TBPL2: variants seen among roughly 807,000 people sequenced by gnomAD.
TBPL2 encodes TATA box-binding protein-like 2.
A neutral mutation model predicts 38.2 loss-of-function variants in TBPL2; 40 were observed. The ratio of observed to expected loss-of-function variants is 1.05; its 90% CI spans 0.81 to 1.36. The LOEUF is 1.36. TBPL2 is among the 40% of genes most tolerant of loss of function. TBPL2 has a pLI of 0.00. For synonymous variants in TBPL2, 169 were observed against 171.7 expected (o/e 0.98, Z 0.12); for missense variants, 461 against 456.7 (o/e 1.01, Z -0.09).
intron 6 of TBPL2, among the ~76,000 whole-genome samples, chr14:55,416,805 C>T (rs1594788616): frequency 6.6e-6 from 1 of 152,178 alleles, no homozygotes; most frequent in Admixed American, 6.5e-5. Flanking sequence ...CACACACATG[C>T]CCCTCTCCCA....
intron 1 of TBPL2, among the ~76,000 whole-genome samples, chr14:55,438,591 A>G (rs970108529): frequency 3.3e-5 from 5 of 152,148 alleles, no homozygotes; most frequent in African/African-American, 9.7e-5. Context: ...ATGGCATTTT[A>G]TCAGGGAACA....
chr14:55,426,631 G>A (rs538180528), intron 5 of TBPL2, among the ~76,000 whole-genome samples: 8 of 151,870 alleles, frequency 5.3e-5, no homozygotes, highest in South Asian at 2.1e-4. Context: ...GCTGACAGCC[G>A]AATGGAGAGG....
rs144221092 is a variant in TBPL2 at position 55,434,905 on chromosome 14, T to C, written c.696+942A>G. ...CCTAAGCCAGTGAACTTTTTCCCAG[T>C]AGGAAGCAGGTCTTACTCATCTTTG... On this transcript the variant is annotated intron_variant, in intron 3 of 6. Transcript: ENST00000247219. Among the ~76,000 whole-genome samples the C allele has an allele frequency of 3.3e-5, 5 of 151,968 alleles. No homozygotes were observed. The East Asian group carries it at 5.9e-4, about 18-fold the overall frequency.
chr14:55,436,518 T>C (rs1388567399), intron 2 of TBPL2, 43 bp downstream of exon 2: 15 of 1,521,070 alleles, frequency 9.9e-6, no homozygotes, highest in Non-Finnish European at 1.4e-5. Context: ...GAATATAAAA[T>C]GTGTACCCAA....
intron 6 of TBPL2, among the ~76,000 whole-genome samples, chr14:55,417,297 G>A (rs995039482): frequency 5.9e-5 from 9 of 151,996 alleles, no homozygotes; most frequent in African/African-American, 2.2e-4. Flanking sequence ...GTTAAAATGA[G>A]GGGATTTGGT....
intron 5 of TBPL2, among the ~76,000 whole-genome samples, chr14:55,428,119 C>CTTTTTTCTTTTTTTTTT (rs1885859429): frequency 2.3e-5 from 1 of 43,332 alleles, no homozygotes. Context: ...CATGCCTTAT[C>CTTTTTTCTTTTTTTTTT]TTTTTTTTTT....
At chr14:55,426,119 T>A (rs760702663) in intron 5 of TBPL2, among the ~76,000 whole-genome samples, 7 of 151,682 alleles carry the variant, frequency 4.6e-5, no homozygotes, top group Non-Finnish European at 1.0e-4. Context: ...ATACAAAAAT[T>A]AGCCGGGTGT....
chr14:55,437,403 G>A (rs1886034313), intron 1 of TBPL2, among the ~76,000 whole-genome samples: 1 of 152,208 alleles, frequency 6.6e-6, no homozygotes, highest in South Asian at 2.1e-4. Flanking sequence ...TCTTGAACCT[G>A]GGAGGCAGAG....
intron 4 of TBPL2, among the ~76,000 whole-genome samples, chr14:55,431,812 G>C (rs947535832): frequency 1.3e-5 from 2 of 152,140 alleles, no homozygotes; most frequent in Non-Finnish European, 2.9e-5. Flanking sequence ...TATAAATTCA[G>C]TCCCTCAGTT....
At chr14:55,439,187 C>T (rs7146472) in intron 1 of TBPL2, among the ~76,000 whole-genome samples, 78,272 of 150,558 alleles carry the variant, frequency 0.52, 20,517 homozygotes, top group East Asian at 0.64. Context: ...GAGCCACGTG[C>T]CTCGGCCTCC....
chr14:55,415,423 A>G (rs1885653449), intron 6 of TBPL2, among the ~76,000 whole-genome samples: 1 of 152,228 alleles, frequency 6.6e-6, no homozygotes, highest in Non-Finnish European at 1.5e-5. Context: ...AAGAATTACT[A>G]CATGACCCAA....
At chr14:55,414,359 T>TGA in exon 7 of TBPL2, 1 of 1,559,632 alleles carries the variant, frequency 6.4e-7, no homozygotes, top group Non-Finnish European at 8.7e-7. Flanking sequence ...CAGAATAATG[T>TGA]GAGATGCTGA....
chr14:55,425,067 T>G (rs1429583998), intron 5 of TBPL2, among the ~76,000 whole-genome samples: 1 of 152,224 alleles, frequency 6.6e-6, no homozygotes, highest in East Asian at 1.9e-4. Flanking sequence ...GAATCCAGAC[T>G]GCATGGAAAA....
exon 1 of TBPL2, chr14:55,440,454 C>T (rs8019270): frequency 1.9e-6 from 3 of 1,612,504 alleles, no homozygotes; most frequent in Non-Finnish European, 2.5e-6. Context: ...CTCCATGGAC[C>T]GTAATCCCAC....
At chr14:55,435,866 T>G (rs762704182) in exon 3 of TBPL2, 1 of 1,568,854 alleles carries the variant, frequency 6.4e-7, no homozygotes, top group East Asian at 2.4e-5. Context: ...ATATTCTGCA[T>G]TTTTTGCATG....
At chr14:55,440,480 C>A in exon 1 of TBPL2, 1 of 1,610,104 alleles carries the variant, frequency 6.2e-7, no homozygotes, top group Non-Finnish European at 8.5e-7. Flanking sequence ...GGGGTGGGGG[C>A]GGGTAAGAGG....
In TBPL2 at chr14:55,435,735, C is replaced by T. The variant is rs1432566099; in HGVS notation, c.696+112G>A. ...AACCCTGAGTTGCCAAAAGCTTTTTCAGTAACAATTTTTTAAGAAAAAACA... is the reference window on the plus strand; with the variant it reads ...AACCCTGAGTTGCCAAAAGCTTTTTTAGTAACAATTTTTTAAGAAAAAACA... On this transcript the variant is annotated intron_variant, in intron 3 of 6. Coordinates refer to ENST00000247219, the Ensembl canonical transcript of TBPL2. 3 of 782,046 alleles carry T rather than the reference C, an allele frequency of 3.8e-6. No homozygotes were observed. In the African/African-American group the frequency reaches 5.6e-5, roughly 15 times the overall value. 48.4% of individuals were successfully genotyped at this position (782,046 alleles called of 1,614,324 possible).
intron 5 of TBPL2, among the ~76,000 whole-genome samples, chr14:55,427,082 G>C (rs1372060610): frequency 2.0e-5 from 3 of 152,224 alleles, no homozygotes; most frequent in Non-Finnish European, 4.4e-5. Context: ...CTCGTGACTT[G>C]AGAGTCTGGA....
At chr14:55,432,658 T>C (rs910147061) in intron 4 of TBPL2, among the ~76,000 whole-genome samples, 2 of 152,294 alleles carry the variant, frequency 1.3e-5, no homozygotes, top group African/African-American at 4.8e-5. Flanking sequence ...TGTCAATCAA[T>C]TTAGCAAATA....
Sources: allele counts gnomAD v4.1 joint callset (sites outside exome capture counted in the v4.1 genomes callset), GRCh38; gene constraint gnomAD v4.1.1; transcripts MANE v1.5; gene names NCBI Gene and HGNC (gene_info 2026-07-23, HGNC 2026-07-21).